Variants in PPM1L observed in about 807,000 individuals in gnomAD.
PPM1L encodes the protein protein phosphatase 1L.
Under a neutral mutation model 31.4 loss-of-function variants are expected in PPM1L, and 13 were observed. That is an observed-to-expected ratio of 0.41 (90% CI 0.27 to 0.66). The LOEUF (loss-of-function observed/expected upper bound fraction) is 0.66, where lower values mean the gene tolerates loss of function less well. Ranked by LOEUF, PPM1L falls within the 30% of genes least tolerant of loss-of-function variation. PPM1L has a pLI of 0.29. For synonymous variants in PPM1L, 184 were observed against 175.4 expected (o/e 1.05, Z -0.39); for missense variants, 326 against 453.7 (o/e 0.72, Z 2.56).
chr3:160,842,933 C>T (rs2108106135), intron 1 of PPM1L, among the ~76,000 whole-genome samples: 1 of 152,202 alleles, frequency 6.6e-6, no homozygotes, highest in East Asian at 1.9e-4. Flanking sequence ...TTTTTCTCTG[C>T]CTAAATATTT....
intron 1 of PPM1L, among the ~76,000 whole-genome samples, chr3:160,873,507 C>G (rs1225378412): frequency 6.6e-6 from 1 of 151,984 alleles, no homozygotes; most frequent in Non-Finnish European, 1.5e-5. Context: ...TGTGGCATGT[C>G]CATAGTGTTA....
At chr3:160,822,101 C>CT (rs1316241318) in intron 1 of PPM1L, among the ~76,000 whole-genome samples, 3 of 151,886 alleles carry the variant, frequency 2.0e-5, no homozygotes, top group Admixed American at 6.6e-5. Context: ...AGTTTTTGTA[C>CT]TTTTTTGTAG....
At chr3:160,833,804 T>G (rs1309292136) in intron 1 of PPM1L, among the ~76,000 whole-genome samples, 4 of 152,154 alleles carry the variant, frequency 2.6e-5, no homozygotes, top group Non-Finnish European at 5.9e-5. Flanking sequence ...CAATTTTTTT[T>G]TTGTTGCAAT....
chr3:160,779,058 G>T (rs1342024165), intron 1 of PPM1L, among the ~76,000 whole-genome samples: 1 of 150,552 alleles, frequency 6.6e-6, no homozygotes, highest in Non-Finnish European at 1.5e-5. Flanking sequence ...TTGTGTTATA[G>T]TCCTGTTTCC....
chr3:161,043,592 A>G (rs1718971347), intron 2 of PPM1L, among the ~76,000 whole-genome samples: 2 of 152,228 alleles, frequency 1.3e-5, no homozygotes, highest in African/African-American at 4.8e-5. Flanking sequence ...GCTGAAATGC[A>G]GCTTAAGTTC....
chr3:160,991,491 C>G lies in PPM1L; in HGVS notation c.574+29581C>G, dbSNP rs187033721. 2.8e-3 allele frequency among the ~76,000 whole-genome samples: 423 copies of G among 152,238 alleles called. 1 individual carries two copies. The highest frequency in any genetic ancestry group is 0.017 in the Middle Eastern group (5 of 294). On this transcript the variant is annotated intron_variant, in intron 2 of 3. Transcript: ENST00000498165. ...AGACTCTCAATTACAGATATTGATT[C>G]AAACCTAAATACCATGCTAAGGAAC...
intron 1 of PPM1L, among the ~76,000 whole-genome samples, chr3:160,819,016 A>G (rs575806600): frequency 1.6e-4 from 24 of 151,952 alleles, no homozygotes; most frequent in Non-Finnish European, 2.9e-4. Context: ...AAAGTGATTA[A>G]TATATTGCTG....
intron 2 of PPM1L, among the ~76,000 whole-genome samples, chr3:161,025,004 T>C (rs549328410): frequency 6.6e-6 from 1 of 152,346 alleles, no homozygotes; most frequent in South Asian, 2.1e-4. Context: ...CTTAGTTTGT[T>C]GAAAGCTTCA....
At chr3:160,891,046 A>G (rs1057271357) in intron 1 of PPM1L, among the ~76,000 whole-genome samples, 2 of 152,204 alleles carry the variant, frequency 1.3e-5, no homozygotes, top group African/African-American at 4.8e-5. Context: ...AGGCAGTACC[A>G]TTGAGGACAT....
At chr3:160,884,557 A>G (rs1202284484) in intron 1 of PPM1L, among the ~76,000 whole-genome samples, 1 of 152,130 alleles carries the variant, frequency 6.6e-6, no homozygotes, top group Non-Finnish European at 1.5e-5. Context: ...TTTTGAGTAG[A>G]CTAATGTATT....
intron 1 of PPM1L, among the ~76,000 whole-genome samples, chr3:160,868,411 G>T (rs1712169614): frequency 6.6e-6 from 1 of 152,178 alleles, no homozygotes; most frequent in Non-Finnish European, 1.5e-5. Flanking sequence ...TAGAGAATTA[G>T]GGTAAAATTT....
At chr3:161,022,657 C>CTTTTTTTTTTTTTTTTTT (rs71147399) in intron 2 of PPM1L, among the ~76,000 whole-genome samples, 1 of 93,716 alleles carries the variant, frequency 1.1e-5, no homozygotes, top group Admixed American at 1.4e-4. Flanking sequence ...ATTTCTCCTT[C>CTTTTTTTTTTTTTTTTTT]TTTTTTTTTT....
At chr3:160,913,198 G>C (rs1415869337) in intron 1 of PPM1L, among the ~76,000 whole-genome samples, 1 of 152,112 alleles carries the variant, frequency 6.6e-6, no homozygotes, top group Non-Finnish European at 1.5e-5. Context: ...AGAAGAGTTG[G>C]ATTAATGGGT....
intron 2 of PPM1L, among the ~76,000 whole-genome samples, chr3:160,975,749 C>G (rs1716547007): frequency 6.6e-6 from 1 of 152,164 alleles, no homozygotes; most frequent in African/African-American, 2.4e-5. Context: ...GCTAAAGTTG[C>G]TAATCAGCTT....
intron 1 of PPM1L, among the ~76,000 whole-genome samples, chr3:160,786,761 CA>C (rs1711945355): frequency 1.3e-5 from 2 of 152,006 alleles, no homozygotes; most frequent in South Asian, 4.2e-4. Context: ...CCTCCATCCT[CA>C]AATAGGCCCT....
At chr3:160,875,813 T>C (rs1007425559) in intron 1 of PPM1L, among the ~76,000 whole-genome samples, 3 of 152,326 alleles carry the variant, frequency 2.0e-5, no homozygotes, top group African/African-American at 7.2e-5. Flanking sequence ...CTAAGGTCAG[T>C]GTGTTCATAA....
intron 1 of PPM1L, among the ~76,000 whole-genome samples, chr3:160,872,219 A>G (rs1424584241): frequency 6.6e-6 from 1 of 152,152 alleles, no homozygotes; most frequent in Admixed American, 6.5e-5. Context: ...TTTGGAGGAG[A>G]AGGGTTTAGG....
intron 1 of PPM1L, among the ~76,000 whole-genome samples, chr3:160,904,055 A>C (rs1313614128): frequency 1.3e-5 from 2 of 152,158 alleles, no homozygotes; most frequent in African/African-American, 2.4e-5. Context: ...CTGAATAAGC[A>C]TTGGTTGATG....
chr3:160,767,765 G>A (rs889409693), intron 1 of PPM1L, among the ~76,000 whole-genome samples: 1 of 152,154 alleles, frequency 6.6e-6, no homozygotes, highest in African/African-American at 2.4e-5. Context: ...CTCTTGGACA[G>A]CAAAGTTTTT....
Sources: allele counts gnomAD v4.1 joint callset (sites outside exome capture counted in the v4.1 genomes callset), GRCh38; gene constraint gnomAD v4.1.1; transcripts MANE v1.5; gene names NCBI Gene and HGNC (gene_info 2026-07-23, HGNC 2026-07-21).